VAT1L: variants seen among roughly 807,000 people sequenced by gnomAD.
The protein encoded by VAT1L is vesicle amine transport 1 like.
In VAT1L, 34 loss-of-function variants were observed where a neutral mutation model predicts 44.1. The ratio of observed to expected loss-of-function variants is 0.77; its 90% CI spans 0.59 to 1.03. VAT1L has a LOEUF of 1.03. VAT1L is among the 50% of genes least tolerant of loss of function. The probability of loss-of-function intolerance (pLI) is 0.00; values close to 1 mark genes in which losing one functional copy is unlikely to be tolerated. For synonymous variants in VAT1L, 253 were observed against 202.2 expected (o/e 1.25, Z -2.13); for missense variants, 615 against 538.8 (o/e 1.14, Z -1.40).
chr16:77,825,862 A>AT (rs1555513057), intron 3 of VAT1L, among the ~76,000 whole-genome samples: 1 of 149,876 alleles, frequency 6.7e-6, no homozygotes, highest in Non-Finnish European at 1.5e-5. Flanking sequence ...TAAAAATAAA[A>AT]AAAAAAAAAA....
At chr16:77,957,583 G>T (rs981840011) in intron 7 of VAT1L, among the ~76,000 whole-genome samples, 2 of 151,852 alleles carry the variant, frequency 1.3e-5, no homozygotes, top group Non-Finnish European at 2.9e-5. Flanking sequence ...AACTTAGCTG[G>T]GTGTGGTGGC....
chr16:77,969,533 G>T (rs1046536240), intron 7 of VAT1L, among the ~76,000 whole-genome samples: 5 of 152,114 alleles, frequency 3.3e-5, no homozygotes, highest in Admixed American at 3.3e-4. Flanking sequence ...CTCTCCATAG[G>T]GCAGCTCACA....
chr16:77,898,110 C>T (rs1191920519), intron 7 of VAT1L, among the ~76,000 whole-genome samples: 1 of 152,168 alleles, frequency 6.6e-6, no homozygotes, highest in African/African-American at 2.4e-5. Context: ...AGCACATCAC[C>T]TCTATCTCTG....
intron 3 of VAT1L, among the ~76,000 whole-genome samples, chr16:77,851,059 G>A (rs529314089): frequency 3.7e-4 from 56 of 152,300 alleles, no homozygotes; most frequent in Admixed American, 9.8e-4. Flanking sequence ...TGCCATGTGC[G>A]GTTGGACAGG....
intron 7 of VAT1L, among the ~76,000 whole-genome samples, chr16:77,885,344 A>T (rs924276675): frequency 3.3e-5 from 5 of 152,180 alleles, no homozygotes; most frequent in African/African-American, 1.2e-4. Flanking sequence ...TTCCTTGATC[A>T]CAAGAACATT....
chr16:77,875,522 T>A (rs534957743), intron 4 of VAT1L, among the ~76,000 whole-genome samples: 1 of 152,170 alleles, frequency 6.6e-6, no homozygotes, highest in Non-Finnish European at 1.5e-5. Context: ...ATCTCCAGAG[T>A]CTTCCTGTTC....
chr16:77,805,096 C>G (rs2016132266), intron 1 of VAT1L, among the ~76,000 whole-genome samples: 1 of 152,132 alleles, frequency 6.6e-6, no homozygotes, highest in South Asian at 2.1e-4. Context: ...GTCTGAGCAT[C>G]CCAGCATACC....
At chr16:77,878,669 C>G (rs891637844) in intron 5 of VAT1L, among the ~76,000 whole-genome samples, 1 of 152,098 alleles carries the variant, frequency 6.6e-6, no homozygotes, top group Non-Finnish European at 1.5e-5. Flanking sequence ...CCTTTTCATT[C>G]TCACCTGTGA....
At chr16:77,840,700 C>G (rs2016695513) in intron 3 of VAT1L, among the ~76,000 whole-genome samples, 1 of 152,120 alleles carries the variant, frequency 6.6e-6, no homozygotes, top group South Asian at 2.1e-4. Flanking sequence ...TAGGACAATG[C>G]AGTGGTTAGG....
In VAT1L at chr16:77,892,592, C is replaced by T. The variant is rs1346350003; in HGVS notation, c.1077+7790C>T. On this transcript the variant is annotated intron_variant, in intron 7 of 8. Transcript: ENST00000302536. ...GGGTTCATGCTTTCACAGAATTATT[C>T]CAGGGTTTATGTGTCAAGGTGGTGA... The T allele has an allele frequency of 7.7e-6, 5 of 648,394 alleles. No homozygotes were observed. The East Asian group carries it at 1.8e-4, about 24-fold the overall frequency. 40.2% of individuals were successfully genotyped at this position (648,394 alleles called of 1,614,324 possible).
intron 7 of VAT1L, 65 bp from the exon 8 acceptor site, chr16:77,971,785 G>A: frequency 1.3e-6 from 2 of 1,531,124 alleles, no homozygotes; most frequent in Admixed American, 3.8e-5. Context: ...AGTTCTCCAG[G>A]CCCCCTTTTT....
chr16:77,791,734 A>G (rs2015839074), intron 1 of VAT1L, among the ~76,000 whole-genome samples: 1 of 152,100 alleles, frequency 6.6e-6, no homozygotes, highest in African/African-American at 2.4e-5. Context: ...GTCTGGCTTA[A>G]GAGAATATTC....
chr16:77,944,054 G>C (rs142531277), intron 7 of VAT1L, among the ~76,000 whole-genome samples: 2 of 152,100 alleles, frequency 1.3e-5, no homozygotes, highest in Admixed American at 1.3e-4. Flanking sequence ...GAGCAGTTTC[G>C]TCCTTTGAGG....
intron 7 of VAT1L, among the ~76,000 whole-genome samples, chr16:77,903,218 G>A (rs867690900): frequency 6.6e-6 from 1 of 152,104 alleles, no homozygotes; most frequent in Non-Finnish European, 1.5e-5. Flanking sequence ...GTAAATTTGG[G>A]AGGAATTACG....
intron 7 of VAT1L, among the ~76,000 whole-genome samples, chr16:77,891,562 T>C (rs1378604745): frequency 6.6e-6 from 1 of 152,186 alleles, no homozygotes; most frequent in African/African-American, 2.4e-5. Flanking sequence ...CCAAATGCAG[T>C]CATTTATTGG....
chr16:77,801,830 T>C (rs939704313), intron 1 of VAT1L: 4 of 152,284 alleles, frequency 2.6e-5, no homozygotes, highest in African/African-American at 4.8e-5. Flanking sequence ...ACCATACCTA[T>C]GATTGGTCTG....
At chr16:77,854,554 GA>G (rs1246854293) in intron 3 of VAT1L, among the ~76,000 whole-genome samples, 1 of 152,178 alleles carries the variant, frequency 6.6e-6, no homozygotes, top group Non-Finnish European at 1.5e-5. Context: ...ATTGTTGTAA[GA>G]AAAACGTAAG....
At chr16:77,891,302 C>T (rs973504791) in intron 7 of VAT1L, among the ~76,000 whole-genome samples, 4 of 151,302 alleles carry the variant, frequency 2.6e-5, no homozygotes, top group Admixed American at 6.6e-5. Context: ...TGCAGTGAGC[C>T]GAGATCGCGC....
chr16:77,810,762 T>C (rs1297081765), intron 1 of VAT1L, among the ~76,000 whole-genome samples: 3 of 152,186 alleles, frequency 2.0e-5, no homozygotes, highest in Non-Finnish European at 4.4e-5. Flanking sequence ...ACATAACCAA[T>C]GTATATACTG....
Sources: gnomAD v4.1 joint callset for allele counts (sites outside exome capture counted in the v4.1 genomes callset) on GRCh38, gnomAD v4.1.1 for gene constraint, MANE v1.5 for transcripts, NCBI Gene and HGNC (gene_info 2026-07-23, HGNC 2026-07-21) for gene names.